LAMP2: variants seen among roughly 807,000 people sequenced by gnomAD.
LAMP2 encodes the protein lysosome associated membrane protein 2.
LAMP2 carries 4 observed loss-of-function variants against 25.6 expected under a neutral mutation model. The observed-to-expected ratio is 0.16, with a 90% confidence interval of 0.08 to 0.36. The LOEUF is 0.36. Among genes scored for constraint, LAMP2 ranks in the 10% least tolerant of loss-of-function variants. The pLI, the probability that LAMP2 is intolerant of heterozygous loss-of-function variation, is 1.00. For missense variants in LAMP2, 272 were observed against 301.4 expected, an observed-to-expected ratio of 0.90 and a Z score of 0.72; for synonymous variants, 108 against 112.7, an observed-to-expected ratio of 0.96 and a Z score of 0.27.
chrX:120,462,244 C>G (rs1272250471), intron 1 of LAMP2, among the ~76,000 whole-genome samples: 1 of 110,848 alleles, frequency 9.0e-6, no homozygotes, highest in Admixed American at 9.7e-5. Context: ...AGACCTTGAC[C>G]GGGCAGTGGC....
At chrX:120,431,496 A>C in intron 8 of LAMP2, 34 bp from the exon 9 acceptor site, 1 of 1,128,544 alleles carries the variant, frequency 8.9e-7, no homozygotes, top group Non-Finnish European at 1.2e-6. Context: ...GAGAACAGAA[A>C]CAGTGACAAA....
At chrX:120,465,193 T>C (rs907368235) in intron 1 of LAMP2, among the ~76,000 whole-genome samples, 3 of 110,594 alleles carry the variant, frequency 2.7e-5, no homozygotes, top group Non-Finnish European at 5.7e-5. Flanking sequence ...TGGGACACAA[T>C]AGGCATTCAG....
In LAMP2 at chrX:120,436,351, A is replaced by G. The variant is rs1475820442; in HGVS notation, c.1094-4889T>C. ...TATGGGACTATTCTTCCAGATGGTA[A>G]TATACAGACAGAACATCAGAACATT... On this transcript the variant is annotated intron_variant, in intron 8 of 8. Transcript: ENST00000200639. 3 of 226,745 alleles carry G rather than the reference A, an allele frequency of 1.3e-5. No individual in the cohort carries two copies. The Admixed American group carries it at 2.8e-4, about 21-fold the overall frequency. 18.7% of individuals were successfully genotyped at this position (226,745 alleles called of 1,213,427 possible).
chrX:120,464,235 G>A (rs1367555163), intron 1 of LAMP2, among the ~76,000 whole-genome samples: 3 of 111,469 alleles, frequency 2.7e-5, no homozygotes, highest in Non-Finnish European at 3.8e-5. Context: ...ATAATTATCC[G>A]TACTGCTTAG....
rs1602539967 is a variant in LAMP2, at chrX:120,455,400, G to A, written c.354C>T (p.Tyr118=). 8.3e-7 allele frequency: 1 copy of A among 1,209,963 alleles called. No individual in the cohort carries two copies. The highest frequency in any genetic ancestry group is 1.1e-6 in the Non-Finnish European group (1 of 894,179). The change falls in exon 3 of 9, where the codon TAC becomes TAT. Residue 118 remains tyrosine, a synonymous_variant. Transcript: ENST00000200639. ...TYSIDSVSFS[Y]NTGDNTTFPD... ...GAAATGTTGTGTTATCACCAGTGTT[G>A]TAGGAAAATGAGACGCTGTCAATTG... is the stretch of plus-strand genomic sequence containing the variant.
Position 120,431,586 on chromosome X carries a change from G to C in LAMP2, c.1094-124C>G. On this transcript the variant is annotated intron_variant, in intron 8 of 8. Transcript: ENST00000200639. ...TTGGTTTTTTATACCAAGGTAACAA[G>C]TCATTGGCATTTCATTATCAGCAAA... 4 of 563,457 alleles carry C rather than the reference G, an allele frequency of 7.1e-6. No individual in the cohort carries two copies. The South Asian group carries it at 1.0e-4, about 14-fold the overall frequency. The allele number at this position is 563,457 out of a possible 1,213,427, so 46.4% of individuals were successfully genotyped here. A position where few individuals can be genotyped will look rare whatever the true frequency, so the allele number is the denominator to read the frequency against.
chrX:120,441,972 C>A, intron 7 of LAMP2, 78 bp from the exon 8 acceptor site: 1 of 931,147 alleles, frequency 1.1e-6, no homozygotes, highest in Non-Finnish European at 1.6e-6. Flanking sequence ...GGCACAGTGG[C>A]TCACGCCTGT....
At chrX:120,456,533 C>A in intron 2 of LAMP2, 118 bp downstream of exon 2, 1 of 414,598 alleles carries the variant, frequency 2.4e-6, no homozygotes, top group Non-Finnish European at 4.3e-6. Flanking sequence ...AAAAAAATCC[C>A]AGAGTTTCAG....
intron 4 of LAMP2, 51 bp downstream of exon 4, chrX:120,448,919 T>C (rs751422360): frequency 1.8e-6 from 2 of 1,085,955 alleles, no homozygotes; most frequent in South Asian, 1.9e-5. Context: ...CTACCTGGTA[T>C]ACTCTACTCT....
At chrX:120,438,016 C>T in intron 8 of LAMP2, 1 of 231,568 alleles carries the variant, frequency 4.3e-6, no homozygotes, top group Non-Finnish European at 6.2e-6. Context: ...CCACCACGCC[C>T]AGCTAATTTT....
intron 6 of LAMP2, among the ~76,000 whole-genome samples, chrX:120,444,036 GAAAAGAAAAGAA>G (rs1225903943): frequency 1.6e-4 from 17 of 104,785 alleles, no homozygotes; most frequent in African/African-American, 3.1e-4. Flanking sequence ...AGGAAGGAAA[GAAAAGAAAAGAA>G]AAAAGAAAAG....
chrX:120,436,129 TACACACACACAC>T (rs752616648), intron 8 of LAMP2, among the ~76,000 whole-genome samples: 81 of 89,521 alleles, frequency 9.0e-4, no homozygotes, highest in Middle Eastern at 5.8e-3. Context: ...CAGGGGAGCT[TACACACACACAC>T]ACACACACAC....
Position 120,446,401 on chromosome X carries a change from G to A in LAMP2, c.768C>T (p.Pro256=), listed in dbSNP as rs772901542. Residue 256 remains proline (P), a synonymous_variant, in exon 6 of 9, where the codon CCC becomes CCT. Transcript: ENST00000200639. ...DKVASVININ[P]NTTHSTGSCR... ...AGCTGCCTGTGGAGTGAGTTGTATT[G>A]GGGTTGATGTTAATAACTGAAGCAA... 2 of 1,208,677 alleles carry A rather than the reference G, an allele frequency of 1.7e-6. No individual in the cohort carries two copies. The highest frequency in any genetic ancestry group is 2.2e-6 in the Non-Finnish European group (2 of 892,911).
chrX:120,447,180 TGGATCACTTGAGGTCA>T (rs1008064301), intron 5 of LAMP2, among the ~76,000 whole-genome samples: 1 of 102,494 alleles, frequency 9.8e-6, no homozygotes, highest in African/African-American at 3.6e-5. Flanking sequence ...CTGAGGCGGG[TGGATCACTTGAGGTCA>T]GGAGTTCAAG....
intron 1 of LAMP2, 107 bp downstream of exon 1, chrX:120,468,990 GTTAGCTGCT>G: frequency 1.2e-6 from 1 of 856,191 alleles, no homozygotes. Flanking sequence ...GCCGCCCAGT[GTTAGCTGCT>G]GAGCCTCTCA....
chrX:120,445,122 A>C (rs1460670069), intron 6 of LAMP2, among the ~76,000 whole-genome samples: 1 of 112,235 alleles, frequency 8.9e-6, no homozygotes, highest in East Asian at 2.8e-4. Context: ...TAAACCCAAA[A>C]TACTACTTTC....
At chrX:120,447,794 G>A (rs1240494519) in intron 5 of LAMP2, 47 bp downstream of exon 5, 1 of 1,064,566 alleles carries the variant, frequency 9.4e-7, no homozygotes, top group South Asian at 1.9e-5. Context: ...CGCAATATTT[G>A]AAATGAAATG....
Position 120,428,800 on chromosome X carries a change from C to T in LAMP2, c.*2523G>A, listed in dbSNP as rs934452871. On this transcript the variant is annotated 3_prime_UTR_variant, in exon 9 of 9. Coordinates refer to ENST00000200639, the MANE Select transcript of LAMP2 (RefSeq NM_002294.3). ...CATTATCACTTTATCTAAAATCACACGAAATTCCTCAGTACGAAAAGCAGA... is the reference window on the plus strand; with the variant it reads ...CATTATCACTTTATCTAAAATCACATGAAATTCCTCAGTACGAAAAGCAGA... 3.5e-5 allele frequency: 26 copies of T among 750,371 alleles called. No individual in the cohort carries two copies. The highest frequency in any genetic ancestry group is 3.9e-5 in the Non-Finnish European group (25 of 637,725). 61.8% of individuals were successfully genotyped at this position (750,371 alleles called of 1,213,427 possible).
chrX:120,456,217 T>C (rs1378271404), intron 2 of LAMP2, among the ~76,000 whole-genome samples: 1 of 108,743 alleles, frequency 9.2e-6, no homozygotes, highest in Non-Finnish European at 1.9e-5. Context: ...AGTTTTTTTG[T>C]AGAGATGAGG....
Sources: allele counts gnomAD v4.1 joint callset (sites outside exome capture counted in the v4.1 genomes callset), GRCh38; gene constraint gnomAD v4.1.1; transcripts MANE v1.5; gene names NCBI Gene and HGNC (gene_info 2026-07-23, HGNC 2026-07-21).